The following AHNAK variants were observed in gnomAD, a reference collection of about 807,000 sequenced individuals.
AHNAK encodes the protein AHNAK nucleoprotein, also known as neuroblast differentiation-associated protein AHNAK.
In AHNAK, 23 loss-of-function variants were observed where a neutral mutation model predicts 37.8. That is an observed-to-expected ratio of 0.61 (90% CI 0.44 to 0.86). The LOEUF (loss-of-function observed/expected upper bound fraction) is 0.86, where lower values mean the gene tolerates loss of function less well. AHNAK is among the 40% of genes least tolerant of loss of function. The probability of loss-of-function intolerance (pLI) is 0.00; values close to 1 mark genes in which losing one functional copy is unlikely to be tolerated. For synonymous variants in AHNAK, 2,481 were observed against 2,636.3 expected (o/e 0.94, Z 1.80); for missense variants, 7,411 against 7,319.4 (o/e 1.01, Z -0.46).
intron 5 of AHNAK, among the ~76,000 whole-genome samples, chr11:62,440,182 C>T (rs1320920097): frequency 6.6e-6 from 1 of 152,102 alleles, no homozygotes; most frequent in Non-Finnish European, 1.5e-5. Context: ...GAGGGGGTGG[C>T]CGGGAGGTAG....
Position 62,523,226 on chromosome 11 carries a change from G to A in AHNAK, c.11191C>T (p.Pro3731Ser). 6.2e-7 allele frequency: 1 copy of A among 1,613,426 alleles called. No individual in the cohort carries two copies. The highest frequency in any genetic ancestry group is 8.5e-7 in the Non-Finnish European group (1 of 1,179,818). ...IEGSEGKFKG[P>S]KFKIPEMHLK... ...TGCATCTCTGGTATCTTAAATTTGG[G>A]TCCCTTGAATTTACCCTCTGAGCCT... The change falls in exon 5 of 5, where the codon CCC (proline) becomes TCC (serine). Residue 3731 changes from proline (P) to serine (S), a missense_variant. Pro to Ser is a moderately conservative substitution (Grantham distance 74, BLOSUM62 -1). Transcript: ENST00000378024.
rs115603331 is a variant in AHNAK, at chr11:62,533,496, G to A, written c.921C>T (p.Pro307=). ...ESGDHGKIKF[P]TMKVPKFGVS... is the part of the protein sequence containing the mutation. ...CACCAAATTTCGGCACTTTCATGGT[G>A]GGAAATTTAATTTTGCCATGATCAC... Residue 307 remains proline (P), a synonymous_variant, in exon 5 of 5, where the codon CCC becomes CCT. Coordinates refer to ENST00000378024, the MANE Select transcript of AHNAK (RefSeq NM_001620.3). The A allele has an allele frequency of 8.9e-4, 1,443 of 1,614,116 alleles. 9 individuals are homozygous for A. The African/African-American group carries it at 0.017, about 19-fold the overall frequency.
chr11:62,541,673 T>C (rs181034915), intron 1 of AHNAK, among the ~76,000 whole-genome samples: 118 of 152,348 alleles, frequency 7.7e-4, no homozygotes, highest in African/African-American at 2.8e-3. Flanking sequence ...CAACATCCCA[T>C]GCCTGGGGTC....
At chr11:62,498,474 T>C (rs1939654796) in intron 4 of AHNAK, among the ~76,000 whole-genome samples, 1 of 151,794 alleles carries the variant, frequency 6.6e-6, no homozygotes, top group Non-Finnish European at 1.5e-5. Flanking sequence ...ATTGAATCTT[T>C]GGGGCCAGAC....
rs778977799 is a variant in AHNAK at position 62,521,416 on chromosome 11, G to A, written c.13001C>T (p.Pro4334Leu). The A allele has an allele frequency of 1.2e-6, 2 of 1,614,038 alleles. No homozygotes were observed. Among genetic ancestry groups the A allele is most frequent in the Admixed American group, 3.3e-5 (2 of 59,998 alleles). ...CTTAGGAAGGGTAACATCCACATCT[G>A]GGCCCTCTCCTTTGAATCCTGGCAT... Reference protein sequence around the residue: ...FSMPGFKGEGPDVDVTLPKAD... With the variant: ...FSMPGFKGEGLDVDVTLPKAD... Residue 4334 changes from proline (P) to leucine (L), a missense_variant, in exon 5 of 5, where the codon CCA becomes CTA. Coordinates refer to ENST00000378024, the MANE Select transcript of AHNAK (RefSeq NM_001620.3).
In AHNAK at chr11:62,526,745, G is replaced by A. The variant is rs1378544059; in HGVS notation, c.7672C>T (p.Pro2558Ser). 1 of 1,613,336 alleles carries A rather than the reference G, an allele frequency of 6.2e-7. No homozygotes were observed. Among genetic ancestry groups the A allele is most frequent in the Non-Finnish European group, 8.5e-7 (1 of 1,179,926 alleles). The change falls in exon 5 of 5, where the codon CCA becomes TCA. Residue 2558 changes from proline to serine, a missense_variant. Pro to Ser is a moderately conservative substitution (Grantham distance 74, BLOSUM62 -1). Coordinates refer to ENST00000378024, the MANE Select transcript of AHNAK (RefSeq NM_001620.3). ...IEGPDVNIEG[P>S]EGKLKGPKLK... ...TTAGGCCCTTTCAACTTTCCCTCTGGTCCTTCAATATTAACATCAGGGCCT... is the reference window on the plus strand; with the variant it reads ...TTAGGCCCTTTCAACTTTCCCTCTGATCCTTCAATATTAACATCAGGGCCT...
At chr11:62,534,866 G>C (rs1442424666) in intron 4 of AHNAK, 137 bp downstream of exon 4, 20 of 907,632 alleles carry the variant, frequency 2.2e-5, no homozygotes, top group Non-Finnish European at 3.0e-5. Flanking sequence ...AAGGGCTCAA[G>C]AGAGTGAAGA....
chr11:62,491,900 C>A (rs751286415), intron 4 of AHNAK: 1 of 1,399,796 alleles, frequency 7.1e-7, no homozygotes, highest in African/African-American at 1.4e-5. Flanking sequence ...TTTTCAAATG[C>A]CTACTATGGG....
chr11:62,438,024 A>C (rs759448083), intron 5 of AHNAK, among the ~76,000 whole-genome samples: 3 of 151,880 alleles, frequency 2.0e-5, no homozygotes, highest in Non-Finnish European at 2.9e-5. Flanking sequence ...AGTCTCCCAA[A>C]TAACTGGGAC....
At chr11:62,535,311 G>T in intron 3 of AHNAK, 121 bp from the exon 4 acceptor site, 2 of 874,610 alleles carry the variant, frequency 2.3e-6, no homozygotes, top group Non-Finnish European at 3.5e-6. Flanking sequence ...AGGTGGGCAT[G>T]GTAATACCCA....
intron 5 of AHNAK, among the ~76,000 whole-genome samples, chr11:62,438,068 C>T (rs373775837): frequency 2.0e-5 from 3 of 152,150 alleles, no homozygotes; most frequent in East Asian, 1.9e-4. Flanking sequence ...AGCTAATTTC[C>T]CAGCGCATTT....
intron 5 of AHNAK, among the ~76,000 whole-genome samples, chr11:62,459,880 C>G (rs1361623905): frequency 3.9e-5 from 6 of 152,176 alleles, no homozygotes; most frequent in Non-Finnish European, 7.3e-5. Context: ...TGGCTCACAC[C>G]TGTAATCCCA....
Position 62,526,645 on chromosome 11 carries a change from G to A in AHNAK, c.7772C>T (p.Pro2591Leu), listed in dbSNP as rs1448480709. The A allele has an allele frequency of 6.2e-7, 1 of 1,612,082 alleles. No individual in the cohort carries two copies. The highest frequency in any genetic ancestry group is 1.7e-5 in the Admixed American group (1 of 59,736). Residue 2591 changes from proline (P) to leucine (L), a missense_variant, in exon 5 of 5, where the codon CCC (proline) becomes CTC (leucine). Transcript: ENST00000378024. ...MPDFDLHLKGPKVKGDVDVSL... is the reference protein window; with the variant it reads ...MPDFDLHLKGLKVKGDVDVSL... ...AACATCCACATCGCCCTTCACCTTG[G>A]GACCTTTCAGATGCAAATCAAAGTC...
intron 5 of AHNAK, among the ~76,000 whole-genome samples, chr11:62,446,258 G>A (rs1938421447): frequency 6.6e-6 from 1 of 152,096 alleles, no homozygotes; most frequent in Non-Finnish European, 1.5e-5. Flanking sequence ...GCTTGACCAG[G>A]ACCTGAACCT....
At chr11:62,539,419 A>T (rs1201862867) in intron 1 of AHNAK, among the ~76,000 whole-genome samples, 1 of 152,166 alleles carries the variant, frequency 6.6e-6, no homozygotes, top group East Asian at 1.9e-4. Context: ...GGGCCAGCTC[A>T]CCCTCGCCCA....
intron 1 of AHNAK, among the ~76,000 whole-genome samples, chr11:62,540,398 G>A (rs1225566090): frequency 6.6e-6 from 1 of 152,188 alleles, no homozygotes; most frequent in Non-Finnish European, 1.5e-5. Flanking sequence ...TGTTACTTAA[G>A]GATGGAGAAA....
rs1940502967 is a variant in AHNAK at position 62,526,689 on chromosome 11, G to A, written c.7728C>T (p.Ala2576=). 1.2e-6 allele frequency: 2 copies of A among 1,611,734 alleles called. No homozygotes were observed. Among genetic ancestry groups the A allele is most frequent in the African/African-American group, 1.3e-5 (1 of 74,086 alleles). ...KLKMPEMNIK[A]PKISMPDFDL... is the part of the protein sequence containing the mutation. ...CAAAGTCAGGCATGGAGATCTTGGG[G>A]GCTTTGATGTTCATCTCTGGCATCT... is the stretch of plus-strand genomic sequence containing the variant. Residue 2576 remains alanine, a synonymous_variant, in exon 5 of 5, where the codon GCC becomes GCT. Coordinates refer to ENST00000378024, the MANE Select transcript of AHNAK (RefSeq NM_001620.3).
chr11:62,462,330 C>A (rs1052536566), intron 5 of AHNAK, among the ~76,000 whole-genome samples: 3 of 152,106 alleles, frequency 2.0e-5, no homozygotes, highest in Non-Finnish European at 4.4e-5. Context: ...AGCTCAGCGG[C>A]CACACCCAGT....
chr11:62,449,546 G>C (rs1938489836), intron 5 of AHNAK, among the ~76,000 whole-genome samples: 1 of 152,184 alleles, frequency 6.6e-6, no homozygotes, highest in Admixed American at 6.5e-5. Context: ...GGGGAGAGCA[G>C]GGGCAGAGGC....
Sources: allele counts gnomAD v4.1 joint callset (sites outside exome capture counted in the v4.1 genomes callset), GRCh38; gene constraint gnomAD v4.1.1; transcripts MANE v1.5; gene names NCBI Gene and HGNC (gene_info 2026-07-23, HGNC 2026-07-21).